The following NR3C2 variants were observed in gnomAD, a reference collection of about 807,000 sequenced individuals.
NR3C2 encodes the protein nuclear receptor subfamily 3 group C member 2, also known as mineralocorticoid receptor.
NR3C2 carries 15 observed loss-of-function variants against 86.4 expected under a neutral mutation model. The observed-to-expected ratio is 0.17, with a 90% CI of 0.12 to 0.27. The LOEUF (loss-of-function observed/expected upper bound fraction) is 0.27, where lower values mean the gene tolerates loss of function less well. Among genes scored for constraint, NR3C2 ranks in the 10% least tolerant of loss-of-function variants. NR3C2 has a pLI of 1.00. For missense variants in NR3C2, 960 were observed against 1,195.6 expected, an observed-to-expected ratio of 0.80 and a Z score of 2.91; for synonymous variants, 458 against 450.5, an observed-to-expected ratio of 1.02 and a Z score of -0.21.
chr4:148,234,479 G>C (rs1414537876), intron 3 of NR3C2, among the ~76,000 whole-genome samples: 4 of 152,082 alleles, frequency 2.6e-5, no homozygotes, highest in Admixed American at 2.0e-4. Flanking sequence ...AGACCATCCT[G>C]GCTAACACGG....
chr4:148,427,924 A>T (rs1749627518), intron 2 of NR3C2, among the ~76,000 whole-genome samples: 1 of 152,238 alleles, frequency 6.6e-6, no homozygotes, highest in Non-Finnish European at 1.5e-5. Context: ...ACTTCACAAA[A>T]CAAAAAACAA....
intron 2 of NR3C2, among the ~76,000 whole-genome samples, chr4:148,342,751 T>G (rs1236453370): frequency 6.6e-6 from 1 of 152,168 alleles, no homozygotes; most frequent in Non-Finnish European, 1.5e-5. Flanking sequence ...GAAAATTTTT[T>G]ATCTTATTTC....
intron 8 of NR3C2, among the ~76,000 whole-genome samples, chr4:148,100,676 T>A (rs1199178006): frequency 6.6e-6 from 1 of 152,166 alleles, no homozygotes; most frequent in Non-Finnish European, 1.5e-5. Context: ...CTCAAAAAAA[T>A]AAATGCAGAA....
chr4:148,311,539 C>T (rs1183764021), intron 2 of NR3C2, among the ~76,000 whole-genome samples: 1 of 152,182 alleles, frequency 6.6e-6, no homozygotes, highest in East Asian at 1.9e-4. Context: ...CCACAATGCT[C>T]CAGCAATCAC....
At chr4:148,386,467 G>A (rs908785617) in intron 2 of NR3C2, among the ~76,000 whole-genome samples, 2 of 152,212 alleles carry the variant, frequency 1.3e-5, no homozygotes, top group Non-Finnish European at 2.9e-5. Flanking sequence ...GTGTGGGGAT[G>A]TCTAAAGAGA....
intron 6 of NR3C2, among the ~76,000 whole-genome samples, chr4:148,130,768 G>C (rs900094182): frequency 6.6e-6 from 1 of 150,710 alleles, no homozygotes; most frequent in East Asian, 1.9e-4. Flanking sequence ...ATCTCAAGAG[G>C]AGGCCTCTCA....
intron 2 of NR3C2, among the ~76,000 whole-genome samples, chr4:148,322,051 G>C (rs370107040): frequency 6.6e-6 from 1 of 152,014 alleles, no homozygotes; most frequent in African/African-American, 2.4e-5. Flanking sequence ...GCTTCCTTCA[G>C]GAGCTCTTTT....
chr4:148,099,869 T>C (rs111549117), intron 8 of NR3C2, among the ~76,000 whole-genome samples: 11 of 152,304 alleles, frequency 7.2e-5, no homozygotes, highest in African/African-American at 2.6e-4. Context: ...TGTAGGACCT[T>C]CAGTGGTTTT....
chr4:148,121,094 G>T (rs1245930358), intron 6 of NR3C2, among the ~76,000 whole-genome samples: 1 of 152,150 alleles, frequency 6.6e-6, no homozygotes, highest in East Asian at 1.9e-4. Context: ...GATAACTACT[G>T]GTTCATGGTG....
chr4:148,186,998 A>G (rs1337952625), intron 4 of NR3C2, among the ~76,000 whole-genome samples: 176 of 7,896 alleles, frequency 0.022, 2 homozygotes, highest in East Asian at 0.16. Context: ...GTATGTATGT[A>G]TATATATATA....
intron 6 of NR3C2, among the ~76,000 whole-genome samples, chr4:148,144,638 C>T (rs1733779533): frequency 6.6e-6 from 1 of 152,138 alleles, no homozygotes; most frequent in South Asian, 2.1e-4. Flanking sequence ...CTCCTCTCTC[C>T]CTGTATATAA....
chr4:148,301,016 C>T (rs1280880294), intron 2 of NR3C2, among the ~76,000 whole-genome samples: 2 of 152,304 alleles, frequency 1.3e-5, no homozygotes, highest in East Asian at 3.9e-4. Flanking sequence ...AAATTACAGG[C>T]AGATGGATCC....
At chr4:148,416,425 T>C (rs1393686779) in intron 2 of NR3C2, among the ~76,000 whole-genome samples, 1 of 152,198 alleles carries the variant, frequency 6.6e-6, no homozygotes, top group Non-Finnish European at 1.5e-5. Flanking sequence ...CATTCTATCA[T>C]CTCCATTTTA....
rs192712171 is a variant in NR3C2, at chr4:148,331,789, C to T, written c.1758-71672G>A. Among the ~76,000 whole-genome samples the T allele has an allele frequency of 3.2e-3, 487 of 152,272 alleles. 2 individuals are homozygous for T. Among genetic ancestry groups the T allele is most frequent in the Non-Finnish European group, 5.4e-3 (368 of 68,016 alleles). ...ATGAAGCATAAAATCTTACAGAGGA[C>T]AAGTGAACTTGTCACATACCAAGTA... On this transcript the variant is annotated intron_variant, in intron 2 of 8. Coordinates refer to ENST00000358102, the MANE Select transcript of NR3C2 (RefSeq NM_000901.5).
intron 2 of NR3C2, among the ~76,000 whole-genome samples, chr4:148,277,159 T>C (rs2149892101): frequency 6.6e-6 from 1 of 152,340 alleles, no homozygotes; most frequent in African/African-American, 2.4e-5. Context: ...CTTTTTCTTT[T>C]GGTAAATGTT....
intron 3 of NR3C2, among the ~76,000 whole-genome samples, chr4:148,223,237 T>C (rs535859999): frequency 2.6e-5 from 4 of 152,262 alleles, no homozygotes; most frequent in African/African-American, 7.2e-5. Context: ...CAAATCTCAA[T>C]GCATTCTTTC....
At chr4:148,243,447 C>T (rs1397818523) in intron 3 of NR3C2, among the ~76,000 whole-genome samples, 3 of 152,128 alleles carry the variant, frequency 2.0e-5, no homozygotes, top group African/African-American at 7.2e-5. Flanking sequence ...CTTTATTTGA[C>T]TGCCTCAATG....
chr4:148,081,643 A>T (rs537152973), intron 8 of NR3C2, 144 bp from the exon 9 acceptor site: 9 of 1,132,856 alleles, frequency 7.9e-6, no homozygotes, highest in Non-Finnish European at 1.0e-5. Flanking sequence ...GAGCAGAGTC[A>T]TCTGTCCTGG....
intron 3 of NR3C2, among the ~76,000 whole-genome samples, chr4:148,203,264 C>A (rs748584548): frequency 1.3e-5 from 2 of 152,078 alleles, no homozygotes; most frequent in African/African-American, 2.4e-5. Flanking sequence ...TCACTAACTA[C>A]CCCGGTCGAT....
Sources: gnomAD v4.1 joint callset for allele counts (sites outside exome capture counted in the v4.1 genomes callset) on GRCh38, gnomAD v4.1.1 for gene constraint, MANE v1.5 for transcripts, NCBI Gene and HGNC (gene_info 2026-07-23, HGNC 2026-07-21) for gene names.